Variants in WDFY2 observed in about 807,000 individuals in gnomAD.
WDFY2 encodes WD repeat and FYVE domain containing 2.
WDFY2 carries 36 observed loss-of-function variants against 56.4 expected under a neutral mutation model. The observed-to-expected ratio is 0.64, with a 90% CI of 0.49 to 0.84. The LOEUF is 0.84. Ranked by LOEUF, WDFY2 falls within the 40% of genes least tolerant of loss-of-function variation. The pLI is 0.00. For missense variants in WDFY2, 444 were observed against 512.2 expected, an observed-to-expected ratio of 0.87 and a Z score of 1.29; for synonymous variants, 176 against 183.7, an observed-to-expected ratio of 0.96 and a Z score of 0.34.
intron 2 of WDFY2, among the ~76,000 whole-genome samples, chr13:51,667,891 T>TC (rs1955738869): frequency 1.1e-5 from 1 of 91,214 alleles, no homozygotes; most frequent in Admixed American, 1.0e-4. Context: ...TTTTTTTTTT[T>TC]TTTTTTTTTT....
intron 2 of WDFY2, among the ~76,000 whole-genome samples, chr13:51,672,343 G>A (rs1357993792): frequency 6.6e-6 from 1 of 152,104 alleles, no homozygotes; most frequent in African/African-American, 2.4e-5. Flanking sequence ...CTTTGTCAAA[G>A]ATCTGTTGAC....
chr13:51,689,850 C>T (rs913158569), intron 3 of WDFY2, among the ~76,000 whole-genome samples: 18 of 152,138 alleles, frequency 1.2e-4, no homozygotes, highest in African/African-American at 4.3e-4. Flanking sequence ...AACATCAAGT[C>T]AGTCACTGAA....
intron 2 of WDFY2, among the ~76,000 whole-genome samples, chr13:51,669,371 A>G (rs1432147359): frequency 6.6e-6 from 1 of 152,226 alleles, no homozygotes; most frequent in Non-Finnish European, 1.5e-5. Flanking sequence ...ATTCAAGGAA[A>G]TAAAGGGTCT....
At chr13:51,755,567 T>G (rs573812381) in intron 9 of WDFY2, 108 bp downstream of exon 9, 84 of 1,039,326 alleles carry the variant, frequency 8.1e-5, no homozygotes, top group South Asian at 4.3e-4. Context: ...GAGGGTAAAT[T>G]ATTATCCTGG....
intron 4 of WDFY2, among the ~76,000 whole-genome samples, 179 bp downstream of exon 4, chr13:51,703,829 G>A (rs1469497017): frequency 6.6e-6 from 1 of 152,144 alleles, no homozygotes; most frequent in African/African-American, 2.4e-5. Flanking sequence ...AGGTTGGGTG[G>A]CTTGCCTGGG....
At chr13:51,644,681 A>G (rs1464086239) in intron 1 of WDFY2, among the ~76,000 whole-genome samples, 2 of 152,222 alleles carry the variant, frequency 1.3e-5, no homozygotes, top group East Asian at 1.9e-4. Context: ...CCTCTTCTCT[A>G]GCCACTGATT....
At chr13:51,653,237 C>T (rs1050969465) in intron 1 of WDFY2, among the ~76,000 whole-genome samples, 1 of 152,176 alleles carries the variant, frequency 6.6e-6, no homozygotes, top group Non-Finnish European at 1.5e-5. Context: ...AGTTCTCGTG[C>T]CGTGGTTTTC....
At chr13:51,685,668 G>T (rs1177414293) in intron 3 of WDFY2, among the ~76,000 whole-genome samples, 2 of 152,068 alleles carry the variant, frequency 1.3e-5, no homozygotes, top group Non-Finnish European at 2.9e-5. Context: ...GAAGAAGAGG[G>T]GTTGGTTTCA....
At chr13:51,674,617 A>C (rs1280096733) in intron 2 of WDFY2, among the ~76,000 whole-genome samples, 1 of 152,150 alleles carries the variant, frequency 6.6e-6, no homozygotes, top group African/African-American at 2.4e-5. Flanking sequence ...TTCAATCAGC[A>C]GACTCCAGCA....
intron 3 of WDFY2, among the ~76,000 whole-genome samples, chr13:51,698,607 A>C (rs533039595): frequency 2.0e-5 from 3 of 152,352 alleles, no homozygotes; most frequent in African/African-American, 7.2e-5. Context: ...CGTGTATCCC[A>C]AAACCAAGAG....
At chr13:51,605,669 C>T (rs1204637799) in intron 1 of WDFY2, among the ~76,000 whole-genome samples, 1 of 152,002 alleles carries the variant, frequency 6.6e-6, no homozygotes, top group Non-Finnish European at 1.5e-5. Flanking sequence ...AACTTATTAC[C>T]CAGAGCTTTG....
chr13:51,695,078 T>C (rs1951836959), intron 3 of WDFY2, among the ~76,000 whole-genome samples: 1 of 152,220 alleles, frequency 6.6e-6, no homozygotes, highest in African/African-American at 2.4e-5. Flanking sequence ...TAGTTATACA[T>C]TCGTCTAAAT....
At chr13:51,715,045 G>C (rs1952313257) in intron 4 of WDFY2, among the ~76,000 whole-genome samples, 1 of 152,212 alleles carries the variant, frequency 6.6e-6, no homozygotes, top group African/African-American at 2.4e-5. Flanking sequence ...TGGTATGCCT[G>C]GATAGGGCAC....
chr13:51,605,749 A>G (rs1315421554), intron 1 of WDFY2, among the ~76,000 whole-genome samples: 2 of 152,224 alleles, frequency 1.3e-5, no homozygotes, highest in Non-Finnish European at 2.9e-5. Context: ...TGCGTGATGA[A>G]GGAGAATGCA....
chr13:51,711,874 CAG>C (rs1952225907), intron 4 of WDFY2, among the ~76,000 whole-genome samples: 1 of 152,180 alleles, frequency 6.6e-6, no homozygotes, highest in African/African-American at 2.4e-5. Flanking sequence ...TTGTGGAAGA[CAG>C]TGTGGCGATT....
At chr13:51,754,997 C>T (rs1196846294) in intron 8 of WDFY2, among the ~76,000 whole-genome samples, 1 of 152,208 alleles carries the variant, frequency 6.6e-6, no homozygotes, top group Non-Finnish European at 1.5e-5. Flanking sequence ...CTCCAGCCAT[C>T]CCCAGGTCTC....
chr13:51,745,341 A>G (rs1953070137), intron 7 of WDFY2, among the ~76,000 whole-genome samples: 1 of 152,224 alleles, frequency 6.6e-6, no homozygotes, highest in South Asian at 2.1e-4. Flanking sequence ...TTAACTGGCA[A>G]AGTAAGTGGT....
intron 2 of WDFY2, among the ~76,000 whole-genome samples, chr13:51,664,366 A>G (rs1030357907): frequency 7.2e-5 from 11 of 152,334 alleles, no homozygotes; most frequent in African/African-American, 2.4e-4. Flanking sequence ...GGAGGCAGAA[A>G]TGCTAGTCTC....
chr13:51,599,997 CCTT>C (rs1954237217), intron 1 of WDFY2, among the ~76,000 whole-genome samples: 1 of 152,156 alleles, frequency 6.6e-6, no homozygotes, highest in Non-Finnish European at 1.5e-5. Flanking sequence ...CTTCCTTCCT[CCTT>C]CTCCCCTACT....
Sources: allele counts gnomAD v4.1 joint callset (sites outside exome capture counted in the v4.1 genomes callset), GRCh38; gene constraint gnomAD v4.1.1; transcripts MANE v1.5; gene names NCBI Gene and HGNC (gene_info 2026-07-23, HGNC 2026-07-21).